Variants in SLC20A2 observed in about 807,000 individuals in gnomAD.
SLC20A2 encodes sodium-dependent phosphate transporter 2.
Under a neutral mutation model 61.0 loss-of-function variants are expected in SLC20A2, and 30 were observed. That is an observed-to-expected ratio of 0.49 (90% CI 0.37 to 0.67). The LOEUF is 0.67. Among genes scored for constraint, SLC20A2 ranks in the 30% least tolerant of loss-of-function variants. SLC20A2 has a pLI of 0.00. For missense variants in SLC20A2, 626 were observed against 866.4 expected (o/e 0.72, Z 3.48); for synonymous variants, 351 against 353.3 (o/e 0.99, Z 0.07).
intron 1 of SLC20A2, chr8:42,541,060 C>T (rs1480961631): frequency 6.6e-6 from 1 of 152,206 alleles, no homozygotes; most frequent in East Asian, 1.9e-4. Context: ...AAAAGGGACT[C>T]TATGCTCTCA....
intron 10 of SLC20A2, among the ~76,000 whole-genome samples, chr8:42,424,433 A>G (rs1016208543): frequency 1.3e-5 from 2 of 152,164 alleles, no homozygotes; most frequent in African/African-American, 4.8e-5. Flanking sequence ...CTCCGGCCTC[A>G]GCCTCCCGAG....
At chr8:42,533,654 C>CTTTTTTTTTT (rs1162369065) in intron 1 of SLC20A2, among the ~76,000 whole-genome samples, 16 of 55,308 alleles carry the variant, frequency 2.9e-4, no homozygotes, top group African/African-American at 1.1e-3. Context: ...ATCAACTGTT[C>CTTTTTTTTTT]TTTTTTTTTT....
intron 1 of SLC20A2, among the ~76,000 whole-genome samples, chr8:42,508,376 A>ACGGAGTCT (rs1023400793): frequency 1.3e-5 from 2 of 149,274 alleles, no homozygotes; most frequent in Admixed American, 6.7e-5. Flanking sequence ...TTGTTTTGAG[A>ACGGAGTCT]CGGAGTCTCG....
At chr8:42,500,708 A>G (rs1330597814) in intron 1 of SLC20A2, among the ~76,000 whole-genome samples, 1 of 152,250 alleles carries the variant, frequency 6.6e-6, no homozygotes, top group Non-Finnish European at 1.5e-5. Context: ...ACAAAGCTCA[A>G]TGACACAATA....
intron 1 of SLC20A2, among the ~76,000 whole-genome samples, chr8:42,533,651 G>GTTCTTTTTTTCTTTTTTTTTTTTT: frequency 1.1e-5 from 1 of 89,736 alleles, no homozygotes. Context: ...ATGATCAACT[G>GTTCTTTTTTTCTTTTTTTTTTTTT]TTCTTTTTTT....
chr8:42,437,528 G>T lies in SLC20A2; in HGVS notation c.984C>A (p.Asn328Lys). 1.9e-6 allele frequency: 3 copies of T among 1,613,930 alleles called. No individual in the cohort carries two copies. Among genetic ancestry groups the T allele is most frequent in the South Asian group, 1.1e-5 (1 of 91,056 alleles). The change falls in exon 8 of 11, where the codon AAC (asparagine) becomes AAA (lysine). Residue 328 changes from asparagine (N) to lysine (K), a missense_variant. Asn to Lys is a moderately conservative substitution (Grantham distance 94, BLOSUM62 0). Around this residue, in one of 3 missense-constraint regions of SLC20A2, gnomAD observed 361 missense variants for 422.3 expected, o/e 0.85. Transcript: ENST00000520262. This position sits in a 1 kb window ranked among gnomAD's most constrained non-coding sequence, Gnocchi z 6.4. ...TGTGGCCGTCGAAGCCGAAGGTGCC[G>T]TTGGAGATGGGCGATTTCACAGAGC... is the stretch of plus-strand genomic sequence containing the variant. ...THGSVKSPIS[N>K]GTFGFDGHTR... is the part of the protein sequence containing the mutation.
At chr8:42,524,623 T>C (rs1170637886) in intron 1 of SLC20A2, among the ~76,000 whole-genome samples, 3 of 151,810 alleles carry the variant, frequency 2.0e-5, no homozygotes, top group Non-Finnish European at 4.4e-5. Flanking sequence ...CTGTCTCTAC[T>C]AAAAACACAA....
chr8:42,419,368 G>A (rs1294772718), intron 10 of SLC20A2, among the ~76,000 whole-genome samples: 16 of 151,738 alleles, frequency 1.1e-4, no homozygotes, highest in Admixed American at 1.1e-3. Flanking sequence ...TCAGGAGTTC[G>A]AGACCAGCCT....
At chr8:42,516,617 A>C (rs1293129286) in intron 1 of SLC20A2, among the ~76,000 whole-genome samples, 1 of 152,190 alleles carries the variant, frequency 6.6e-6, no homozygotes, top group Non-Finnish European at 1.5e-5. Flanking sequence ...AGAGCTACAT[A>C]CCATCCTCTG....
At chr8:42,453,277 G>A (rs1389441736) in intron 5 of SLC20A2, among the ~76,000 whole-genome samples, 1 of 152,152 alleles carries the variant, frequency 6.6e-6, no homozygotes, top group African/African-American at 2.4e-5. Context: ...ACCCAAGTAA[G>A]CATTTTATTT....
At chr8:42,526,392 G>A (rs1232835564) in intron 1 of SLC20A2, among the ~76,000 whole-genome samples, 1 of 151,952 alleles carries the variant, frequency 6.6e-6, no homozygotes, top group African/African-American at 2.4e-5. Context: ...CATCACAGCC[G>A]GCTGGGTGTG....
intron 1 of SLC20A2, chr8:42,534,922 T>C (rs1223012803): frequency 6.6e-6 from 1 of 152,202 alleles, no homozygotes; most frequent in Non-Finnish European, 1.5e-5. Flanking sequence ...AGTAAATTAC[T>C]AGCCATTGCA....
chr8:42,493,963 G>A (rs919144334), intron 1 of SLC20A2, among the ~76,000 whole-genome samples: 3 of 152,122 alleles, frequency 2.0e-5, no homozygotes, highest in African/African-American at 4.8e-5. Flanking sequence ...GTAACATAGC[G>A]AGACCCTGTC....
chr8:42,461,415 T>C (rs1214795238), intron 4 of SLC20A2, among the ~76,000 whole-genome samples: 3 of 152,126 alleles, frequency 2.0e-5, no homozygotes, highest in Non-Finnish European at 4.4e-5. Context: ...GCCCCGAGTC[T>C]GTGTTTTCAA....
At chr8:42,516,106 C>T (rs528528279) in intron 1 of SLC20A2, among the ~76,000 whole-genome samples, 1 of 152,206 alleles carries the variant, frequency 6.6e-6, no homozygotes, top group Non-Finnish European at 1.5e-5. Context: ...AACTGTGATT[C>T]TTCTCCTCTC....
At position 42,467,216 on chromosome 8, in the gene SLC20A2, A is replaced by T. The variant is rs945405610; in HGVS notation, c.290-1299T>A. Among the ~76,000 whole-genome samples, 8 of 152,172 alleles carry T rather than the reference A, an allele frequency of 5.3e-5. No homozygotes were observed. In the East Asian group the frequency reaches 1.4e-3, roughly 26 times the overall value. On this transcript the variant is annotated intron_variant, in intron 2 of 10. Transcript: ENST00000520262. ...TCTCAGATCCTACCCAGAATGTTGG[A>T]CTTTTTATTTGTGTGTCTGATTCCT...
chr8:42,477,525 C>A (rs1808214296), intron 1 of SLC20A2, among the ~76,000 whole-genome samples: 1 of 133,410 alleles, frequency 7.5e-6, no homozygotes, highest in African/African-American at 2.9e-5. Context: ...GGCTGGAGTG[C>A]AGTGGCGCGA....
chr8:42,470,025 A>T (rs1417062015), intron 2 of SLC20A2, among the ~76,000 whole-genome samples: 2 of 152,066 alleles, frequency 1.3e-5, no homozygotes, highest in Non-Finnish European at 2.9e-5. Flanking sequence ...GAAAAATCTT[A>T]ATTTCCACTT....
At chr8:42,445,918 T>C (rs1279300920) in intron 5 of SLC20A2, among the ~76,000 whole-genome samples, 1 of 152,218 alleles carries the variant, frequency 6.6e-6, no homozygotes, top group East Asian at 1.9e-4. Flanking sequence ...CCTAACCACA[T>C]ACACAGAACT....
Sources: allele counts gnomAD v4.1 joint callset (sites outside exome capture counted in the v4.1 genomes callset), GRCh38; gene constraint gnomAD v4.1.1; regional missense constraint gnomAD v4.1.1; non-coding constraint Gnocchi (gnomAD v3.1); transcripts MANE v1.5; gene names NCBI Gene and HGNC (gene_info 2026-07-23, HGNC 2026-07-21).